SLC44A5: variants seen among roughly 807,000 people sequenced by gnomAD.
SLC44A5 encodes the protein choline transporter-like protein 5.
In SLC44A5, 57 loss-of-function variants were observed where a neutral mutation model predicts 101.8. The observed-to-expected ratio is 0.56, with a 90% CI of 0.45 to 0.70. The LOEUF is 0.70. SLC44A5 is among the 30% of genes least tolerant of loss of function. The probability of loss-of-function intolerance (pLI) is 0.00; values close to 1 mark genes in which losing one functional copy is unlikely to be tolerated. For synonymous variants in SLC44A5, 281 were observed against 290.9 expected (o/e 0.97, Z 0.35); for missense variants, 737 against 853.1 (o/e 0.86, Z 1.70).
intron 2 of SLC44A5, among the ~76,000 whole-genome samples, chr1:75,449,715 C>T (rs185705212): frequency 6.6e-6 from 1 of 152,140 alleles, no homozygotes; most frequent in East Asian, 1.9e-4. Flanking sequence ...GTGCCTCAGC[C>T]ACTTGAAAAT....
chr1:75,490,890 T>C (rs1181025789), intron 2 of SLC44A5, among the ~76,000 whole-genome samples: 1 of 152,142 alleles, frequency 6.6e-6, no homozygotes, highest in Non-Finnish European at 1.5e-5. Context: ...TACGACTTAC[T>C]TATTCTGCTT....
At chr1:75,452,261 T>C (rs1226436129) in intron 2 of SLC44A5, among the ~76,000 whole-genome samples, 2 of 152,288 alleles carry the variant, frequency 1.3e-5, no homozygotes, top group East Asian at 3.9e-4. Context: ...TTCTTAAAGA[T>C]GAGAAATTCT....
chr1:75,426,141 T>C (rs747347670), intron 2 of SLC44A5, among the ~76,000 whole-genome samples: 1 of 152,098 alleles, frequency 6.6e-6, no homozygotes, highest in African/African-American at 2.4e-5. Flanking sequence ...AATGAAAGAT[T>C]GTGAGAAATA....
At chr1:75,221,302 G>C (rs751502253) in intron 14 of SLC44A5, among the ~76,000 whole-genome samples, 11 of 152,134 alleles carry the variant, frequency 7.2e-5, no homozygotes, top group African/African-American at 2.7e-4. Flanking sequence ...ACTAAATAGA[G>C]AGCATGGGCT....
the SLC44A5 span, among the ~76,000 whole-genome samples, chr1:75,702,123 C>T: frequency 6.6e-6 from 1 of 152,080 alleles, no homozygotes; most frequent in East Asian, 1.9e-4. Context: ...CAACAAGCTA[C>T]CAATGACTTT....
chr1:75,446,331 T>C (rs1463028451), intron 2 of SLC44A5, among the ~76,000 whole-genome samples: 1 of 152,164 alleles, frequency 6.6e-6, no homozygotes, highest in Non-Finnish European at 1.5e-5. Flanking sequence ...GCCATACCAG[T>C]AGTTTTACTG....
intron 13 of SLC44A5, among the ~76,000 whole-genome samples, chr1:75,225,150 A>G (rs575172210): frequency 7.9e-5 from 12 of 152,292 alleles, no homozygotes; most frequent in Admixed American, 3.3e-4. Flanking sequence ...ATTTTAAAAA[A>G]TCTTTTATGC....
intron 3 of SLC44A5, among the ~76,000 whole-genome samples, chr1:75,365,912 C>T (rs147757861): frequency 7.2e-5 from 11 of 152,058 alleles, no homozygotes; most frequent in African/African-American, 2.7e-4. Context: ...CTCTATACTT[C>T]TACTTCACTA....
At chr1:75,248,976 G>C (rs1649344129) in intron 7 of SLC44A5, among the ~76,000 whole-genome samples, 1 of 152,144 alleles carries the variant, frequency 6.6e-6, no homozygotes, top group Admixed American at 6.6e-5. Flanking sequence ...GTTAGGATCA[G>C]TGGTTTGCAG....
the SLC44A5 span, among the ~76,000 whole-genome samples, chr1:75,698,396 G>C: frequency 1.3e-5 from 2 of 152,168 alleles, no homozygotes; most frequent in African/African-American, 4.8e-5. Flanking sequence ...GGGGCAGACT[G>C]ACACCTCACA....
At chr1:75,475,419 G>A (rs1008852272) in intron 2 of SLC44A5, among the ~76,000 whole-genome samples, 19 of 152,334 alleles carry the variant, frequency 1.2e-4, no homozygotes, top group Admixed American at 3.3e-4. Flanking sequence ...TAGCGATTGA[G>A]TTTAAACTCC....
the SLC44A5 span, among the ~76,000 whole-genome samples, chr1:75,628,191 C>T: frequency 6.6e-6 from 1 of 151,866 alleles, no homozygotes; most frequent in Admixed American, 6.6e-5. Context: ...AAGAAGTTTC[C>T]CTCTGCCTCA....
chr1:75,687,794 A>G, the SLC44A5 span, among the ~76,000 whole-genome samples: 2 of 152,098 alleles, frequency 1.3e-5, no homozygotes, highest in South Asian at 2.1e-4. Context: ...CCTTCTTGCA[A>G]TCGTGTCAAG....
intron 3 of SLC44A5, among the ~76,000 whole-genome samples, chr1:75,365,927 C>T (rs2101138018): frequency 6.6e-6 from 1 of 152,286 alleles, no homozygotes; most frequent in Non-Finnish European, 1.5e-5. Flanking sequence ...TCACTACTCT[C>T]ACCTGTATGC....
chr1:75,476,692 C>T (rs1667429196), intron 2 of SLC44A5, among the ~76,000 whole-genome samples: 1 of 152,226 alleles, frequency 6.6e-6, no homozygotes, highest in Admixed American at 6.5e-5. Flanking sequence ...GGCAGCAAGG[C>T]TGCGGGAGGG....
the SLC44A5 span, among the ~76,000 whole-genome samples, chr1:75,682,475 G>T: frequency 6.6e-6 from 1 of 151,766 alleles, no homozygotes; most frequent in Non-Finnish European, 1.5e-5. Flanking sequence ...TCTGATCTTT[G>T]ACAAACCTGA....
chr1:75,718,163 C>T, the SLC44A5 span, among the ~76,000 whole-genome samples: 9 of 152,144 alleles, frequency 5.9e-5, no homozygotes, highest in African/African-American at 2.2e-4. Flanking sequence ...TGTATCTGAC[C>T]AGAGCATGTT....
the SLC44A5 span, among the ~76,000 whole-genome samples, chr1:75,698,660 T>C: frequency 6.6e-6 from 1 of 152,212 alleles, no homozygotes; most frequent in Non-Finnish European, 1.5e-5. Context: ...GGAGAATGAC[T>C]TGGACGAGCT....
chr1:75,649,301 C>G, the SLC44A5 span, among the ~76,000 whole-genome samples: 1 of 152,132 alleles, frequency 6.6e-6, no homozygotes, highest in Non-Finnish European at 1.5e-5. Flanking sequence ...ATAGACCAGA[C>G]AAGTTTAAAT....
Sources: allele counts gnomAD v4.1 joint callset (sites outside exome capture counted in the v4.1 genomes callset), GRCh38; gene constraint gnomAD v4.1.1; transcripts MANE v1.5; gene names NCBI Gene and HGNC (gene_info 2026-07-23, HGNC 2026-07-21).